MPDZ: variants seen among roughly 807,000 people sequenced by gnomAD.
The protein encoded by MPDZ is multiple PDZ domain crumbs cell polarity complex component.
MPDZ carries 234 observed loss-of-function variants against 239.1 expected under a neutral mutation model. The ratio of observed to expected loss-of-function variants is 0.98; its 90% CI spans 0.88 to 1.09. The LOEUF (loss-of-function observed/expected upper bound fraction) is 1.09. Among genes scored for constraint, MPDZ ranks in the 50% least tolerant of loss-of-function variants. The pLI, the probability that MPDZ is intolerant of heterozygous loss-of-function variation, is 0.00. For missense variants in MPDZ, 3,175 were observed against 2,510.0 expected (o/e 1.26, Z -5.66); for synonymous variants, 1,048 against 881.3 (o/e 1.19, Z -3.35).
chr9:13,216,624 T>G (rs1317225967), intron 10 of MPDZ, 150 bp downstream of exon 10: 1 of 532,684 alleles, frequency 1.9e-6, no homozygotes, highest in Non-Finnish European at 3.3e-6. Flanking sequence ...CACAAAATAA[T>G]AGAAAGGGTA....
At chr9:13,141,624 G>A (rs557616859) in intron 27 of MPDZ, among the ~76,000 whole-genome samples, 10 of 152,060 alleles carry the variant, frequency 6.6e-5, no homozygotes, top group South Asian at 4.2e-4. Context: ...CTGACTTCTT[G>A]TAAGGATACA....
chr9:13,167,170 C>T (rs1325085114), intron 22 of MPDZ, among the ~76,000 whole-genome samples: 1 of 152,000 alleles, frequency 6.6e-6, no homozygotes, highest in Non-Finnish European at 1.5e-5. Context: ...GGAACACTGG[C>T]CATAAGCGGT....
chr9:13,158,524 T>C (rs895397240), intron 23 of MPDZ, among the ~76,000 whole-genome samples: 2 of 152,148 alleles, frequency 1.3e-5, no homozygotes, highest in Admixed American at 6.6e-5. Context: ...GCCCTGAACC[T>C]TGTCCTGAAT....
intron 3 of MPDZ, among the ~76,000 whole-genome samples, chr9:13,242,691 C>T (rs1464459946): frequency 6.6e-6 from 1 of 151,996 alleles, no homozygotes; most frequent in African/African-American, 2.4e-5. Flanking sequence ...CACAGTCTGG[C>T]TCCATAGTTT....
chr9:13,175,299 G>A (rs1399810935), intron 21 of MPDZ, among the ~76,000 whole-genome samples: 1 of 152,124 alleles, frequency 6.6e-6, no homozygotes, highest in Non-Finnish European at 1.5e-5. Flanking sequence ...ACATTTTGGT[G>A]GTGGCACACC....
At chr9:13,201,510 T>A (rs892688085) in intron 12 of MPDZ, among the ~76,000 whole-genome samples, 6 of 152,090 alleles carry the variant, frequency 3.9e-5, no homozygotes, top group Non-Finnish European at 8.8e-5. Flanking sequence ...ATGTGCTTTC[T>A]AGGCCTTTTT....
intron 17 of MPDZ, among the ~76,000 whole-genome samples, chr9:13,187,059 C>A (rs1057112269): frequency 1.3e-5 from 2 of 152,042 alleles, no homozygotes; most frequent in African/African-American, 4.8e-5. Flanking sequence ...CACTCTCAGA[C>A]GAAATGGGCT....
intron 24 of MPDZ, among the ~76,000 whole-genome samples, chr9:13,151,141 AACACAC>A (rs113800698): frequency 6.6e-6 from 1 of 150,490 alleles, no homozygotes; most frequent in Non-Finnish European, 1.5e-5. Flanking sequence ...ACCTACTAAA[AACACAC>A]ACACACACAC....
rs1210139656 is a variant in MPDZ at position 13,251,125 on chromosome 9, T to C, written c.-57-753A>G. 9.0e-4 allele frequency among the ~76,000 whole-genome samples: 49 copies of C among 54,666 alleles called. 1 individual carries two copies. Among genetic ancestry groups the C allele is most frequent in the African/African-American group, 3.8e-3 (46 of 11,970 alleles). The allele number at this position is 54,666 out of a possible 152,430, so 35.9% of individuals were successfully genotyped here. A position where few individuals can be genotyped will look rare whatever the true frequency, so the allele number is the denominator to read the frequency against. On this transcript the variant is annotated intron_variant, in intron 1 of 46. Transcript: ENST00000319217. The stretch of plus-strand genomic sequence containing the variant: ...GCCTGGGCCACAGAACAAGACTCCA[T>C]CTCAAAAAAAAAAAAAAAAAAAAAA...
intron 12 of MPDZ, among the ~76,000 whole-genome samples, chr9:13,202,844 C>G (rs1038437150): frequency 1.2e-4 from 18 of 152,168 alleles, no homozygotes; most frequent in Non-Finnish European, 2.1e-4. Flanking sequence ...CAGGAAGTTT[C>G]TCTGCTTCTC....
At chr9:13,185,392 A>T (rs1953956878) in intron 18 of MPDZ, among the ~76,000 whole-genome samples, 1 of 152,094 alleles carries the variant, frequency 6.6e-6, no homozygotes, top group Non-Finnish European at 1.5e-5. Flanking sequence ...ATAAACACAT[A>T]ATGAAGAATT....
chr9:13,147,521 C>G (rs774512265), intron 26 of MPDZ, 27 bp downstream of exon 26: 3 of 1,541,710 alleles, frequency 1.9e-6, no homozygotes, highest in Non-Finnish European at 2.7e-6. Context: ...TTTGGATATG[C>G]CTACCTTGCC....
intron 25 of MPDZ, among the ~76,000 whole-genome samples, chr9:13,149,786 C>CATGCT (rs1948911437): frequency 6.6e-6 from 1 of 152,048 alleles, no homozygotes; most frequent in Non-Finnish European, 1.5e-5. Context: ...CACAACTTGA[C>CATGCT]ATGCTTCTAA....
Position 13,147,452 on chromosome 9 carries a change from T to C in MPDZ, c.3741+96A>G, listed in dbSNP as rs867720805. ...AGTCTCCTGAGATTTGAAAAATCAC[T>C]ATCTTTACTCATACAGACAACTTGG... On this transcript the variant is annotated intron_variant, in intron 26 of 46. Transcript: ENST00000319217. The C allele has an allele frequency of 5.5e-5, 48 of 865,514 alleles. No homozygotes were observed. The Middle Eastern group carries it at 3.6e-3, about 65-fold the overall frequency. 53.6% of individuals were successfully genotyped at this position (865,514 alleles called of 1,614,324 possible).
intron 32 of MPDZ, among the ~76,000 whole-genome samples, chr9:13,131,268 C>A (rs1945960296): frequency 6.6e-6 from 1 of 152,058 alleles, no homozygotes. Context: ...ATGGCTTCCT[C>A]AAGAGATGTG....
intron 18 of MPDZ, among the ~76,000 whole-genome samples, 170 bp downstream of exon 18, chr9:13,186,100 G>A (rs1487884237): frequency 1.3e-5 from 2 of 152,062 alleles, no homozygotes; most frequent in Non-Finnish European, 2.9e-5. Context: ...TATTTATTAT[G>A]GTTTTTCTTC....
chr9:13,119,591 C>G lies in MPDZ; in HGVS notation c.5290G>C (p.Gly1764Arg), dbSNP rs377471452. 7 of 1,613,982 alleles carry G rather than the reference C, an allele frequency of 4.3e-6. No homozygotes were observed. In the East Asian group the frequency reaches 1.6e-4, roughly 36 times the overall value. The change falls in exon 39 of 47, where the codon GGA (glycine) becomes CGA (arginine). Residue 1764 changes from glycine to arginine, a missense_variant. Physicochemically the swap from Gly to Arg is moderately radical, Grantham distance 125 (BLOSUM62 -2). Coordinates refer to ENST00000319217, the MANE Select transcript of MPDZ (RefSeq NM_001378778.1). Reference protein sequence around the residue: ...IVKGGIADADGRLMQGDQILM... With the variant: ...IVKGGIADADRRLMQGDQILM... ...ATCTGGTCTCCCTGCATCAGTCTTC[C>G]ATCGGCATCTGCAATTCCTCCTTTG...
chr9:13,193,315 T>TA lies in MPDZ; in HGVS notation c.1657-3_1657-2insT. ...ACTAAACTTGCTCACATGGGCCACCTGAAAAGAAAAAAAAAAAGATCACCA... is the reference window on the plus strand; with the variant it reads ...ACTAAACTTGCTCACATGGGCCACCTAGAAAAGAAAAAAAAAAAGATCACCA... On this transcript the variant is annotated splice_polypyrimidine_tract_variant and splice_region_variant and intron_variant, in intron 13 of 46. Transcript: ENST00000319217. The TA allele has an allele frequency of 6.4e-7, 1 of 1,574,198 alleles. No homozygotes were observed. Among genetic ancestry groups the TA allele is most frequent in the Admixed American group, 1.9e-5 (1 of 52,244 alleles).
At chr9:13,168,603 G>T in intron 21 of MPDZ, 39 bp from the exon 22 acceptor site, 2 of 1,323,632 alleles carry the variant, frequency 1.5e-6, no homozygotes, top group Non-Finnish European at 2.0e-6. Context: ...TTAAATACAT[G>T]ATTTTTCAAT....
Sources: allele counts gnomAD v4.1 joint callset (sites outside exome capture counted in the v4.1 genomes callset), GRCh38; gene constraint gnomAD v4.1.1; transcripts MANE v1.5; gene names NCBI Gene and HGNC (gene_info 2026-07-23, HGNC 2026-07-21).